ANKS1B: variants seen among roughly 807,000 people sequenced by gnomAD.
The protein encoded by ANKS1B is ankyrin repeat and sterile alpha motif domain containing 1B, also known as ankyrin repeat and sterile alpha motif domain-containing protein 1B.
Under a neutral mutation model 148.3 loss-of-function variants are expected in ANKS1B, and 36 were observed. That is an observed-to-expected ratio of 0.24 (90% CI 0.19 to 0.32). The LOEUF is 0.32. ANKS1B is among the 10% of genes least tolerant of loss of function. The probability of loss-of-function intolerance (pLI) is 1.00; values close to 1 mark genes in which losing one functional copy is unlikely to be tolerated. For synonymous variants in ANKS1B, 542 were observed against 560.8 expected, an observed-to-expected ratio of 0.97 and a Z score of 0.47; for missense variants, 1,157 against 1,542.6, an observed-to-expected ratio of 0.75 and a Z score of 4.19.
At chr12:99,735,870 T>C (rs910514687) in intron 8 of ANKS1B, among the ~76,000 whole-genome samples, 4 of 142,678 alleles carry the variant, frequency 2.8e-5, no homozygotes, top group South Asian at 2.3e-4. Context: ...AACAAAATAC[T>C]AGCAAACTGA....
At chr12:99,214,685 C>T (rs570091929) in intron 14 of ANKS1B, among the ~76,000 whole-genome samples, 18 of 152,102 alleles carry the variant, frequency 1.2e-4, no homozygotes, top group Non-Finnish European at 2.4e-4. Flanking sequence ...AAACTGGTAC[C>T]AGTAGAGTGG....
At chr12:99,766,268 T>G (rs1289703556) in intron 8 of ANKS1B, among the ~76,000 whole-genome samples, 2 of 152,088 alleles carry the variant, frequency 1.3e-5, no homozygotes, top group Non-Finnish European at 2.9e-5. Flanking sequence ...ATGAACCTAC[T>G]GTCAAAGGGG....
intron 8 of ANKS1B, among the ~76,000 whole-genome samples, chr12:99,716,003 T>C (rs2057269460): frequency 6.6e-6 from 1 of 152,130 alleles, no homozygotes; most frequent in South Asian, 2.1e-4. Flanking sequence ...GTTTCAGAGG[T>C]GTCTGACCAC....
At chr12:99,223,289 C>T (rs1316610593) in intron 14 of ANKS1B, among the ~76,000 whole-genome samples, 1 of 152,160 alleles carries the variant, frequency 6.6e-6, no homozygotes, top group Non-Finnish European at 1.5e-5. Flanking sequence ...GACAATTTTT[C>T]CATGGGCAGG....
rs148494494 is a variant in ANKS1B, at chr12:99,406,740, T to C, written c.1576-6929A>G. On this transcript the variant is annotated intron_variant, in intron 11 of 26. Transcript: ENST00000683438. Reference sequence around the variant, plus strand: ...CTAAATAAAATAAAAAGTTGGTTTTTTGAAAAGATAAAATTGACAAACCTT... The same window carrying C: ...CTAAATAAAATAAAAAGTTGGTTTTCTGAAAAGATAAAATTGACAAACCTT... Among the ~76,000 whole-genome samples the C allele has an allele frequency of 1.5e-4, 22 of 145,736 alleles. 5 individuals are homozygous for C. Among genetic ancestry groups the C allele is most frequent in the African/African-American group, 5.4e-4 (21 of 38,570 alleles).
chr12:99,588,660 T>C (rs2153233259), intron 9 of ANKS1B, among the ~76,000 whole-genome samples: 1 of 152,294 alleles, frequency 6.6e-6, no homozygotes, highest in Non-Finnish European at 1.5e-5. Context: ...GTTTTGAATT[T>C]TTTTTTATTC....
intron 1 of ANKS1B, among the ~76,000 whole-genome samples, chr12:99,961,713 T>C (rs2095414566): frequency 6.6e-6 from 1 of 152,198 alleles, no homozygotes; most frequent in East Asian, 1.9e-4. Context: ...GATAATACTA[T>C]AGATTAGATT....
intron 1 of ANKS1B, among the ~76,000 whole-genome samples, chr12:99,973,976 C>T (rs536252558): frequency 6.6e-6 from 1 of 152,188 alleles, no homozygotes; most frequent in Non-Finnish European, 1.5e-5. Flanking sequence ...GAAAGTTCTA[C>T]CATGGGTAAA....
At chr12:99,481,946 G>T (rs2096417444) in intron 10 of ANKS1B, among the ~76,000 whole-genome samples, 1 of 151,904 alleles carries the variant, frequency 6.6e-6, no homozygotes, top group Admixed American at 6.6e-5. Context: ...TTTGTCGGAT[G>T]CACAGTTTGC....
chr12:99,525,595 T>C (rs1327254123), intron 9 of ANKS1B, among the ~76,000 whole-genome samples: 2 of 152,132 alleles, frequency 1.3e-5, no homozygotes, highest in Admixed American at 6.5e-5. Context: ...GTATTTCAAA[T>C]CAGTAAGAAA....
At chr12:99,098,169 A>C (rs1350997700) in intron 15 of ANKS1B, among the ~76,000 whole-genome samples, 2 of 152,234 alleles carry the variant, frequency 1.3e-5, no homozygotes. Flanking sequence ...GGAAGCATAA[A>C]GATTACTAGG....
At chr12:99,218,871 T>A (rs2084651837) in intron 14 of ANKS1B, among the ~76,000 whole-genome samples, 1 of 152,180 alleles carries the variant, frequency 6.6e-6, no homozygotes. Context: ...TTAAACCTAG[T>A]ACAAAATACC....
At chr12:98,896,224 T>C (rs2099764406) in intron 17 of ANKS1B, among the ~76,000 whole-genome samples, 1 of 152,258 alleles carries the variant, frequency 6.6e-6, no homozygotes, top group African/African-American at 2.4e-5. Context: ...ATTCACTTGC[T>C]AAACTTTAAG....
intron 10 of ANKS1B, among the ~76,000 whole-genome samples, chr12:99,451,696 A>G (rs1203241286): frequency 6.6e-6 from 1 of 152,180 alleles, no homozygotes; most frequent in African/African-American, 2.4e-5. Context: ...CCCTAAGCTG[A>G]AATTCTGGTA....
intron 19 of ANKS1B, among the ~76,000 whole-genome samples, chr12:98,813,457 T>A (rs2099114258): frequency 6.6e-6 from 1 of 151,820 alleles, no homozygotes; most frequent in African/African-American, 2.4e-5. Flanking sequence ...GCTCAAGCGA[T>A]CTGCCTTCTT....
At chr12:99,946,348 C>A (rs566363991) in intron 1 of ANKS1B, among the ~76,000 whole-genome samples, 1 of 152,230 alleles carries the variant, frequency 6.6e-6, no homozygotes, top group Non-Finnish European at 1.5e-5. Context: ...TTTATTTTCT[C>A]ACATTTCTGG....
At chr12:99,395,026 C>T (rs2094199788) in intron 12 of ANKS1B, among the ~76,000 whole-genome samples, 1 of 152,146 alleles carries the variant, frequency 6.6e-6, no homozygotes, top group African/African-American at 2.4e-5. Flanking sequence ...CTCATTTTCT[C>T]ATATACCATG....
intron 1 of ANKS1B, among the ~76,000 whole-genome samples, chr12:99,841,038 G>A (rs1471239250): frequency 1.3e-5 from 2 of 152,052 alleles, no homozygotes; most frequent in Non-Finnish European, 2.9e-5. Context: ...AAACTGTCTG[G>A]ACTAAAATGC....
At chr12:99,977,090 C>A (rs2095638795) in intron 1 of ANKS1B, among the ~76,000 whole-genome samples, 1 of 152,112 alleles carries the variant, frequency 6.6e-6, no homozygotes, top group Admixed American at 6.6e-5. Flanking sequence ...GGCATTAATC[C>A]ATTCATACAT....
Sources: allele counts gnomAD v4.1 joint callset (sites outside exome capture counted in the v4.1 genomes callset), GRCh38; gene constraint gnomAD v4.1.1; transcripts MANE v1.5; gene names NCBI Gene and HGNC (gene_info 2026-07-23, HGNC 2026-07-21).